The following MACROD2 variants were observed in gnomAD, a reference collection of about 807,000 sequenced individuals.
MACROD2 encodes the protein ADP-ribose glycohydrolase MACROD2.
In MACROD2, 36 loss-of-function variants were observed where a neutral mutation model predicts 70.4. The observed-to-expected ratio is 0.51, with a 90% confidence interval of 0.39 to 0.68. The LOEUF is 0.68. MACROD2 is among the 30% of genes least tolerant of loss of function. MACROD2 has a pLI of 0.00. For missense variants in MACROD2, 496 were observed against 538.4 expected (o/e 0.92, Z 0.78); for synonymous variants, 172 against 178.8 (o/e 0.96, Z 0.30).
chr20:14,357,106 A>C (rs1428972224), intron 3 of MACROD2, among the ~76,000 whole-genome samples: 6 of 152,220 alleles, frequency 3.9e-5, no homozygotes, highest in Admixed American at 3.9e-4. Flanking sequence ...AGAGGGAGGA[A>C]CGTAGACACT....
In MACROD2 at chr20:15,021,220, A is replaced by ACCT. The variant is rs1568534830; in HGVS notation, c.419-208720_419-208719insCCT. On this transcript the variant is annotated intron_variant, in intron 5 of 17. Transcript: ENST00000684519. ...CACCTGTGTGTATGTATACACATAC[A>ACCT]GGTGTGCGTATACACACACCTGTGT... is the stretch of plus-strand genomic sequence containing the variant. Among the ~76,000 whole-genome samples the ACCT allele has an allele frequency of 3.7e-4, 26 of 70,054 alleles. 3 individuals are homozygous for ACCT. The highest frequency in any genetic ancestry group is 1.2e-3 in the African/African-American group (21 of 17,620). The allele number at this position is 70,054 out of a possible 152,430, so 46.0% of individuals were successfully genotyped here. A position where few individuals can be genotyped will look rare whatever the true frequency, so the allele number is the denominator to read the frequency against.
At chr20:15,605,925 C>T (rs149437714) in intron 8 of MACROD2, among the ~76,000 whole-genome samples, 81 of 152,324 alleles carry the variant, frequency 5.3e-4, no homozygotes, top group African/African-American at 1.9e-3. Context: ...TTGCTGGTAT[C>T]TCTTCACAGA....
At chr20:14,708,774 T>C (rs564876126) in intron 5 of MACROD2, among the ~76,000 whole-genome samples, 34 of 152,170 alleles carry the variant, frequency 2.2e-4, no homozygotes, top group African/African-American at 8.2e-4. Flanking sequence ...CCCGCCACCA[T>C]GCCCAGCTAA....
intron 5 of MACROD2, among the ~76,000 whole-genome samples, chr20:14,923,590 T>C (rs1311411850): frequency 6.6e-6 from 1 of 152,104 alleles, no homozygotes; most frequent in Non-Finnish European, 1.5e-5. Flanking sequence ...CTCTATAAAG[T>C]CTCTTAGAGA....
intron 3 of MACROD2, among the ~76,000 whole-genome samples, chr20:14,132,849 C>G (rs1249765060): frequency 6.6e-6 from 1 of 151,950 alleles, no homozygotes; most frequent in Non-Finnish European, 1.5e-5. Flanking sequence ...CTTTGTTGCC[C>G]AGGCTGGTCT....
At chr20:15,816,236 A>G (rs953290349) in intron 8 of MACROD2, among the ~76,000 whole-genome samples, 2 of 152,294 alleles carry the variant, frequency 1.3e-5, no homozygotes, top group Non-Finnish European at 1.5e-5. Flanking sequence ...TATCTGGTAG[A>G]TAATGCAGCT....
chr20:15,267,661 C>G (rs888682158), intron 6 of MACROD2, among the ~76,000 whole-genome samples: 5 of 152,168 alleles, frequency 3.3e-5, no homozygotes, highest in Admixed American at 3.3e-4. Flanking sequence ...GATTTCTAGG[C>G]TTTTCTTGCT....
At chr20:14,519,789 A>T (rs957761930) in intron 4 of MACROD2, among the ~76,000 whole-genome samples, 2 of 152,224 alleles carry the variant, frequency 1.3e-5, no homozygotes, top group African/African-American at 4.8e-5. Context: ...AGCACTATTC[A>T]TAATAGCAAA....
At chr20:15,045,536 T>A (rs2075386484) in intron 5 of MACROD2, among the ~76,000 whole-genome samples, 1 of 152,154 alleles carries the variant, frequency 6.6e-6, no homozygotes, top group Non-Finnish European at 1.5e-5. Flanking sequence ...GCTTTCTTCC[T>A]TAGTTTGCCT....
chr20:16,028,624 A>G (rs1307691104), intron 15 of MACROD2, among the ~76,000 whole-genome samples: 1 of 152,182 alleles, frequency 6.6e-6, no homozygotes, highest in East Asian at 1.9e-4. Context: ...GAGTATTCCC[A>G]ACTAATACAT....
chr20:14,124,645 A>C (rs2054624569), intron 3 of MACROD2, among the ~76,000 whole-genome samples: 1 of 152,104 alleles, frequency 6.6e-6, no homozygotes, highest in Non-Finnish European at 1.5e-5. Flanking sequence ...GAATGGAATA[A>C]AAAGTGCTGC....
chr20:15,260,060 A>G (rs886502746), intron 6 of MACROD2, among the ~76,000 whole-genome samples: 6 of 151,942 alleles, frequency 3.9e-5, no homozygotes, highest in African/African-American at 1.2e-4. Context: ...TCATATAGGC[A>G]TACAATGTAT....
At chr20:15,792,788 T>A (rs947748003) in intron 8 of MACROD2, among the ~76,000 whole-genome samples, 11 of 152,222 alleles carry the variant, frequency 7.2e-5, no homozygotes, top group South Asian at 2.1e-4. Flanking sequence ...TATACATTTC[T>A]TCATGACTTT....
At chr20:15,656,883 A>G (rs2049738930) in intron 8 of MACROD2, among the ~76,000 whole-genome samples, 1 of 152,166 alleles carries the variant, frequency 6.6e-6, no homozygotes, top group African/African-American at 2.4e-5. Flanking sequence ...AGAGACCATA[A>G]AAGTATTAGA....
intron 5 of MACROD2, among the ~76,000 whole-genome samples, chr20:14,913,828 T>C (rs968904209): frequency 6.6e-6 from 1 of 152,220 alleles, no homozygotes; most frequent in Admixed American, 6.5e-5. Flanking sequence ...ATTAATAATG[T>C]AATCTTATCA....
intron 3 of MACROD2, among the ~76,000 whole-genome samples, chr20:14,090,401 C>T (rs558060159): frequency 5.3e-5 from 8 of 151,860 alleles, no homozygotes; most frequent in Admixed American, 3.9e-4. Context: ...GGTGAAACCC[C>T]GTCTCTACTG....
intron 5 of MACROD2, among the ~76,000 whole-genome samples, chr20:14,933,489 G>C (rs779775167): frequency 3.3e-5 from 5 of 152,046 alleles, no homozygotes; most frequent in Non-Finnish European, 7.4e-5. Flanking sequence ...AGACCAGCCT[G>C]GGCAACATAG....
intron 10 of MACROD2, among the ~76,000 whole-genome samples, chr20:15,891,093 G>T (rs2064883218): frequency 6.6e-6 from 1 of 152,180 alleles, no homozygotes; most frequent in South Asian, 2.1e-4. Flanking sequence ...TGATGTGTTT[G>T]AGAGAGATTT....
chr20:15,080,827 C>T (rs2075697806), intron 5 of MACROD2, among the ~76,000 whole-genome samples: 1 of 152,112 alleles, frequency 6.6e-6, no homozygotes, highest in African/African-American at 2.4e-5. Flanking sequence ...CTTAGTTGCT[C>T]AAAGCCTAAA....
Sources: gnomAD v4.1 joint callset for allele counts (sites outside exome capture counted in the v4.1 genomes callset) on GRCh38, gnomAD v4.1.1 for gene constraint, MANE v1.5 for transcripts, NCBI Gene and HGNC (gene_info 2026-07-23, HGNC 2026-07-21) for gene names.